The following SLC35F4 variants were observed in gnomAD, a reference collection of about 807,000 sequenced individuals.
The protein encoded by SLC35F4 is chromosome 14 open reading frame 36.
A neutral mutation model predicts 44.2 loss-of-function variants in SLC35F4; 24 were observed. The observed-to-expected ratio is 0.54, with a 90% CI of 0.39 to 0.76. The LOEUF is 0.76. Ranked by LOEUF, SLC35F4 falls within the 30% of genes least tolerant of loss-of-function variation. The pLI, the probability that SLC35F4 is intolerant of heterozygous loss-of-function variation, is 0.00. For synonymous variants in SLC35F4, 238 were observed against 223.6 expected, an observed-to-expected ratio of 1.06 and a Z score of -0.57; for missense variants, 562 against 586.1, an observed-to-expected ratio of 0.96 and a Z score of 0.42.
intron 1 of SLC35F4, among the ~76,000 whole-genome samples, chr14:57,726,925 A>G (rs1420117411): frequency 6.6e-6 from 1 of 152,064 alleles, no homozygotes; most frequent in Non-Finnish European, 1.5e-5. Flanking sequence ...GCAGGTAGAA[A>G]AACACAAAAA....
intron 1 of SLC35F4, among the ~76,000 whole-genome samples, chr14:57,657,451 AG>A (rs1594727019): frequency 6.6e-6 from 1 of 152,128 alleles, no homozygotes; most frequent in Non-Finnish European, 1.5e-5. Context: ...CATGGCCATT[AG>A]TAATATTTTT....
intron 1 of SLC35F4, among the ~76,000 whole-genome samples, chr14:57,887,765 G>A (rs1356283948): frequency 6.6e-6 from 1 of 152,162 alleles, no homozygotes; most frequent in Admixed American, 6.5e-5. Flanking sequence ...CCTGTGCACA[G>A]CCTCTTCTGG....
At position 57,705,582 on chromosome 14, in the gene SLC35F4, G is replaced by A. The variant is rs1352051435; in HGVS notation, c.104-111458C>T. The stretch of plus-strand genomic sequence containing the variant: ...ATGAAAGCAGGTATGTTCCTCCATG[G>A]CCAAAGCTCCTGTTGAGTAGCCCCA... On this transcript the variant is annotated intron_variant, in intron 1 of 7. Coordinates refer to ENST00000556826, the MANE Select transcript of SLC35F4 (RefSeq NM_001306087.2). Among the ~76,000 whole-genome samples the A allele has an allele frequency of 5.3e-5, 8 of 152,222 alleles. No individual in the cohort carries two copies. In the South Asian group the frequency reaches 1.7e-3, roughly 32 times the overall value.
chr14:57,576,397 C>T (rs562052582), intron 4 of SLC35F4, among the ~76,000 whole-genome samples: 1 of 152,160 alleles, frequency 6.6e-6, no homozygotes, highest in Non-Finnish European at 1.5e-5. Flanking sequence ...CTGCTGGCAG[C>T]TGCTGTGCTC....
At chr14:57,930,601 C>CCAAACATTTCTTCTAAAATGTTTAGAA (rs1255246248) in intron 1 of SLC35F4, among the ~76,000 whole-genome samples, 2 of 152,024 alleles carry the variant, frequency 1.3e-5, no homozygotes, top group Non-Finnish European at 2.9e-5. Flanking sequence ...TTGGGTTTTC[C>CCAAACATTTCTTCTAAAATGTTTAGAA]CAAACATTTC....
intron 1 of SLC35F4, among the ~76,000 whole-genome samples, chr14:57,911,142 T>C (rs1361460400): frequency 6.6e-6 from 1 of 152,070 alleles, no homozygotes; most frequent in African/African-American, 2.4e-5. Context: ...TTTGCTATAA[T>C]TGCTTATAAG....
At chr14:57,749,772 G>C (rs1441052248) in intron 1 of SLC35F4, among the ~76,000 whole-genome samples, 1 of 152,088 alleles carries the variant, frequency 6.6e-6, no homozygotes, top group Admixed American at 6.6e-5. Context: ...TTCTTAACAT[G>C]TTTAATTATT....
intron 1 of SLC35F4, among the ~76,000 whole-genome samples, chr14:57,908,563 T>C (rs1297951107): frequency 6.6e-6 from 1 of 152,214 alleles, no homozygotes; most frequent in East Asian, 1.9e-4. Flanking sequence ...TTTCATATGT[T>C]TGTTGGTGGC....
chr14:57,686,890 G>A (rs1345219564), intron 1 of SLC35F4, among the ~76,000 whole-genome samples: 2 of 151,988 alleles, frequency 1.3e-5, no homozygotes, highest in African/African-American at 4.8e-5. Context: ...TTTATATGTT[G>A]AAGTCCTAAC....
intron 3 of SLC35F4, among the ~76,000 whole-genome samples, chr14:57,584,465 T>C (rs1305862711): frequency 2.0e-5 from 3 of 152,160 alleles, no homozygotes; most frequent in African/African-American, 7.2e-5. Flanking sequence ...TCTTGGCAGA[T>C]GGTATTAATG....
intron 1 of SLC35F4, among the ~76,000 whole-genome samples, chr14:57,803,006 A>AAAAAAAAAAAAG (rs74994950): frequency 1.5e-5 from 2 of 136,252 alleles, no homozygotes; most frequent in African/African-American, 6.3e-5. Context: ...AAAAAAAAAA[A>AAAAAAAAAAAAG]GAAATTGCAG....
intron 1 of SLC35F4, among the ~76,000 whole-genome samples, chr14:57,791,184 G>A (rs745366067): frequency 4.6e-5 from 7 of 151,986 alleles, no homozygotes; most frequent in East Asian, 1.9e-4. Flanking sequence ...AACTATCATC[G>A]GAGTGAACAG....
chr14:57,623,724 G>A (rs1192490491), intron 1 of SLC35F4, among the ~76,000 whole-genome samples: 3 of 152,082 alleles, frequency 2.0e-5, no homozygotes, highest in African/African-American at 7.2e-5. Flanking sequence ...CAAAATTAAG[G>A]CAGAAACAAA....
rs143839363 is a variant in SLC35F4, at chr14:57,608,786, CCGGGGGGGGGCGG to C, written c.104-14675_104-14663del. Among the ~76,000 whole-genome samples, 7 of 14,668 alleles carry C rather than the reference CCGGGGGGGGGCGG, an allele frequency of 4.8e-4. No individual in the cohort carries two copies. The South Asian group carries it at 0.015, about 32-fold the overall frequency. The allele number at this position is 14,668 out of a possible 152,430, so 9.6% of individuals were successfully genotyped here. A position where few individuals can be genotyped will look rare whatever the true frequency, so the allele number is the denominator to read the frequency against. On this transcript the variant is annotated intron_variant, in intron 1 of 7. Coordinates refer to ENST00000556826, the MANE Select transcript of SLC35F4 (RefSeq NM_001306087.2). ...AAAAGAAAAGCAGCCCAAAAGATGG[CCGGGGGGGGGCGG>C]CGGGGGGAGAGAAACAGGAAATTAT...
downstream of SLC35F4, among the ~76,000 whole-genome samples, chr14:57,975,938 A>G (rs1411329281): frequency 6.6e-6 from 1 of 152,242 alleles, no homozygotes; most frequent in East Asian, 1.9e-4. Flanking sequence ...TGCCTTGAAT[A>G]CCAGGGATCT....
chr14:57,629,202 G>C (rs1362911653), intron 1 of SLC35F4, among the ~76,000 whole-genome samples: 2 of 152,118 alleles, frequency 1.3e-5, no homozygotes, highest in Admixed American at 1.3e-4. Context: ...TCTAGCTGCT[G>C]TTCTGAAAAT....
At chr14:57,752,812 G>A (rs1023314107) in intron 1 of SLC35F4, among the ~76,000 whole-genome samples, 2 of 152,154 alleles carry the variant, frequency 1.3e-5, no homozygotes, top group African/African-American at 4.8e-5. Flanking sequence ...ATGAGGGTCT[G>A]AAACAGCCAT....
chr14:57,594,194 T>G, intron 1 of SLC35F4, 70 bp from the exon 2 acceptor site: 1 of 1,402,018 alleles, frequency 7.1e-7, no homozygotes, highest in Non-Finnish European at 9.6e-7. Context: ...TATTATTTAT[T>G]TAATTATTGT....
chr14:57,756,081 C>G (rs1053177720), intron 1 of SLC35F4, among the ~76,000 whole-genome samples: 1 of 152,196 alleles, frequency 6.6e-6, no homozygotes, highest in East Asian at 1.9e-4. Context: ...TTCATTAATT[C>G]CTGCTCTGAC....
Sources: gnomAD v4.1 joint callset for allele counts (sites outside exome capture counted in the v4.1 genomes callset) on GRCh38, gnomAD v4.1.1 for gene constraint, MANE v1.5 for transcripts, NCBI Gene and HGNC (gene_info 2026-07-23, HGNC 2026-07-21) for gene names.